Variants in RASSF3 observed in about 807,000 individuals in gnomAD.
RASSF3 encodes the protein ras association domain-containing protein 3.
RASSF3 carries 19 observed loss-of-function variants against 19.9 expected under a neutral mutation model. The observed-to-expected ratio is 0.96, with a 90% confidence interval of 0.67 to 1.40. The LOEUF (loss-of-function observed/expected upper bound fraction) is 1.40, where lower values mean the gene tolerates loss of function less well. Among genes scored for constraint, RASSF3 ranks in the 40% most tolerant of loss-of-function variants. The pLI, the probability that RASSF3 is intolerant of heterozygous loss-of-function variation, is 0.00. For synonymous variants in RASSF3, 110 were observed against 104.2 expected, an observed-to-expected ratio of 1.06 and a Z score of -0.34; for missense variants, 306 against 289.8, an observed-to-expected ratio of 1.06 and a Z score of -0.41.
At chr12:64,640,771 T>C (rs562660683) in intron 1 of RASSF3, among the ~76,000 whole-genome samples, 118 of 152,200 alleles carry the variant, frequency 7.8e-4, no homozygotes, top group African/African-American at 2.8e-3. Flanking sequence ...GCCTCCTGAA[T>C]AGCTGGGACT....
chr12:64,683,440 TTAACCGA>T (rs1255025179), intron 1 of RASSF3, among the ~76,000 whole-genome samples: 1 of 152,200 alleles, frequency 6.6e-6, no homozygotes, highest in Non-Finnish European at 1.5e-5. Flanking sequence ...AGAAGAGGAT[TTAACCGA>T]TATTTCTCCC....
intron 2 of RASSF3, among the ~76,000 whole-genome samples, chr12:64,581,946 C>T (rs891390326): frequency 3.3e-5 from 5 of 151,942 alleles, no homozygotes; most frequent in Non-Finnish European, 7.4e-5. Flanking sequence ...TGGCTCCCTT[C>T]AGCCTTGACC....
chr12:64,599,838 C>T (rs1339589443), intron 2 of RASSF3, among the ~76,000 whole-genome samples: 2 of 151,950 alleles, frequency 1.3e-5, no homozygotes, highest in Admixed American at 1.3e-4. Context: ...CGAGACCATC[C>T]TGGCTAACAC....
At chr12:64,644,025 C>T (rs887338692) in intron 1 of RASSF3, among the ~76,000 whole-genome samples, 1 of 152,086 alleles carries the variant, frequency 6.6e-6, no homozygotes, top group Non-Finnish European at 1.5e-5. Flanking sequence ...AACACAGTTT[C>T]CTGTTCTTTT....
intron 1 of RASSF3, among the ~76,000 whole-genome samples, chr12:64,680,068 C>T (rs1873065096): frequency 6.6e-6 from 1 of 152,144 alleles, no homozygotes; most frequent in Admixed American, 6.5e-5. Context: ...AGCTACTATG[C>T]CCCTCCTGGG....
intron 1 of RASSF3, among the ~76,000 whole-genome samples, chr12:64,514,474 C>T (rs564286011): frequency 3.6e-4 from 55 of 152,052 alleles, no homozygotes; most frequent in Non-Finnish European, 3.2e-4. Flanking sequence ...CGTGAGCCAC[C>T]GTGCCCGGCC....
At chr12:64,543,466 A>G (rs1320464003), downstream of RASSF3, among the ~76,000 whole-genome samples, 20 of 4,690 alleles carry the variant, frequency 4.3e-3, no homozygotes, top group East Asian at 0.031. Context: ...CCCGCTCCCC[A>G]CCCGCCTGCC....
At chr12:64,565,649 G>A (rs2136127579) in intron 2 of RASSF3, among the ~76,000 whole-genome samples, 1 of 152,300 alleles carries the variant, frequency 6.6e-6, no homozygotes, top group African/African-American at 2.4e-5. Flanking sequence ...GGAGGCGGAG[G>A]TTGCAGTGAG....
At chr12:64,611,699 A>G (rs971418929) in intron 1 of RASSF3, 1 of 152,256 alleles carries the variant, frequency 6.6e-6, no homozygotes, top group African/African-American at 2.4e-5. Context: ...TTCGCCAAAC[A>G]TTTCTATTAA....
chr12:64,652,420 C>T (rs1428633157), intron 1 of RASSF3, among the ~76,000 whole-genome samples: 2 of 151,202 alleles, frequency 1.3e-5, no homozygotes, highest in East Asian at 1.9e-4. Context: ...CCCCCTCCCC[C>T]CCTCCTCTTT....
intron 1 of RASSF3, among the ~76,000 whole-genome samples, chr12:64,519,822 G>A (rs1868431028): frequency 6.6e-6 from 1 of 152,010 alleles, no homozygotes; most frequent in African/African-American, 2.4e-5. Context: ...ATATATGTGT[G>A]TGCGTGTATA....
At chr12:64,572,111 TTGTG>T (rs71278247) in intron 2 of RASSF3, among the ~76,000 whole-genome samples, 23 of 151,130 alleles carry the variant, frequency 1.5e-4, no homozygotes, top group African/African-American at 5.3e-4. Context: ...AATTGTAGAC[TTGTG>T]TGTGTGTGTG....
intron 2 of RASSF3, among the ~76,000 whole-genome samples, chr12:64,579,666 C>T (rs1869656129): frequency 6.6e-6 from 1 of 151,910 alleles, no homozygotes; most frequent in Admixed American, 6.6e-5. Flanking sequence ...TAGCCAAATT[C>T]TTTAATAAAC....
intron 2 of RASSF3, among the ~76,000 whole-genome samples, chr12:64,599,433 C>A (rs918346278): frequency 6.6e-6 from 1 of 152,332 alleles, no homozygotes; most frequent in African/African-American, 2.4e-5. Context: ...TAAAAATAAT[C>A]TTTTCTCTCA....
chr12:64,544,240 C>G (rs1869011287), downstream of RASSF3, among the ~76,000 whole-genome samples: 1 of 152,050 alleles, frequency 6.6e-6, no homozygotes, highest in African/African-American at 2.4e-5. Context: ...CACGAACCCA[C>G]CGGGAGGAAT....
At chr12:64,547,821 G>T (rs571290189) in intron 2 of RASSF3, among the ~76,000 whole-genome samples, 1 of 151,992 alleles carries the variant, frequency 6.6e-6, no homozygotes, top group Non-Finnish European at 1.5e-5. Flanking sequence ...ATATTTTTGT[G>T]ATTATAAAAA....
At chr12:64,693,784 C>T (rs1447006505) in intron 4 of RASSF3, among the ~76,000 whole-genome samples, 1 of 152,192 alleles carries the variant, frequency 6.6e-6, no homozygotes, top group East Asian at 1.9e-4. Context: ...GTTAGGGAAA[C>T]AAGGCTCAGA....
intron 1 of RASSF3, among the ~76,000 whole-genome samples, chr12:64,509,107 C>T (rs1323826243): frequency 6.6e-6 from 1 of 151,880 alleles, no homozygotes; most frequent in African/African-American, 2.4e-5. Flanking sequence ...AAGTTAGAGC[C>T]CCAAAAGAAC....
At chr12:64,680,985 G>A (rs1873105331) in intron 1 of RASSF3, among the ~76,000 whole-genome samples, 1 of 152,132 alleles carries the variant, frequency 6.6e-6, no homozygotes, top group Non-Finnish European at 1.5e-5. Context: ...TCTATGTGTG[G>A]ATGATCCAGG....
Sources: allele counts gnomAD v4.1 joint callset (sites outside exome capture counted in the v4.1 genomes callset), GRCh38; gene constraint gnomAD v4.1.1; transcripts MANE v1.5; gene names NCBI Gene and HGNC (gene_info 2026-07-23, HGNC 2026-07-21).